The following AFF1 variants were observed in gnomAD, a reference collection of about 807,000 sequenced individuals.
The protein encoded by AFF1 is AF4/FMR2 family member 1.
A neutral mutation model predicts 121.7 loss-of-function variants in AFF1; 48 were observed. That is an observed-to-expected ratio of 0.39 (90% CI 0.31 to 0.50). AFF1 has a LOEUF of 0.50. Among genes scored for constraint, AFF1 ranks in the 20% least tolerant of loss-of-function variants. The pLI is 0.76. For synonymous variants in AFF1, 613 were observed against 563.0 expected, an observed-to-expected ratio of 1.09 and a Z score of -1.26; for missense variants, 1,523 against 1,511.7, an observed-to-expected ratio of 1.01 and a Z score of -0.12.
At chr4:87,072,180 G>T (rs1046036000) in intron 4 of AFF1, among the ~76,000 whole-genome samples, 1 of 152,036 alleles carries the variant, frequency 6.6e-6, no homozygotes, top group Non-Finnish European at 1.5e-5. Flanking sequence ...TGGCTAACAC[G>T]GTGAAGACCC....
rs557443784 is a variant in AFF1 at position 86,956,313 on chromosome 4, T to TA, written c.38+7743dup. ...GTTTAGAAGAGTTTAGATTCAGACTTACCTGAGAACTGAGGAAATATTTTT... is the reference window on the plus strand; with the variant it reads ...GTTTAGAAGAGTTTAGATTCAGACTTAACCTGAGAACTGAGGAAATATTTTT... On this transcript the variant is annotated intron_variant, in intron 2 of 20. Transcript: ENST00000395146. Among the ~76,000 whole-genome samples the TA allele has an allele frequency of 6.5e-3, 995 of 152,314 alleles. 4 individuals are homozygous for TA. The highest frequency in any genetic ancestry group is 0.011 in the Non-Finnish European group (736 of 68,004).
chr4:86,938,535 T>C (rs1160574397), intron 1 of AFF1, among the ~76,000 whole-genome samples: 1 of 151,994 alleles, frequency 6.6e-6, no homozygotes, highest in Non-Finnish European at 1.5e-5. Flanking sequence ...TTTCCTCAAA[T>C]AATAAATTCA....
intron 2 of AFF1, among the ~76,000 whole-genome samples, chr4:87,017,079 GTGTGTA>G (rs1197329385): frequency 1.4e-5 from 2 of 145,686 alleles, no homozygotes; most frequent in Admixed American, 1.4e-4. Context: ...ATATGTGTGT[GTGTGTA>G]TGTGTATATA....
At chr4:87,110,635 T>C (rs1403652421) in intron 11 of AFF1, among the ~76,000 whole-genome samples, 8 of 152,090 alleles carry the variant, frequency 5.3e-5, no homozygotes, top group Non-Finnish European at 7.4e-5. Flanking sequence ...TAATGCTCTT[T>C]TTAAAAAAAA....
chr4:87,008,432 CTG>C (rs1578048529), intron 2 of AFF1, among the ~76,000 whole-genome samples: 1 of 152,184 alleles, frequency 6.6e-6, no homozygotes, highest in East Asian at 1.9e-4. Context: ...AAGAGCTTCT[CTG>C]TATAAAGTAC....
In AFF1 at chr4:87,114,435, G is replaced by A. The variant is rs377254064; in HGVS notation, c.1602G>A (p.Ala534=). 8.3e-4 allele frequency: 1,341 copies of A among 1,611,308 alleles called. No individual in the cohort carries two copies. Among genetic ancestry groups the A allele is most frequent in the Non-Finnish European group, 1.1e-3 (1,294 of 1,179,622 alleles). ...NWLTKVSQPA[A]PPEGPRSTEP... is the part of the protein sequence containing the mutation. ...TGACCAAAGTCAGCCAGCCAGCTGC[G>A]CCACCAGAGGGCCCCAGGAGCACAG... Residue 534 remains alanine, a synonymous_variant, in exon 12 of 21, where the codon GCG becomes GCA. Transcript: ENST00000395146.
rs545682779 is a variant in AFF1 at position 86,959,952 on chromosome 4, C to T, written c.38+11381C>T. On this transcript the variant is annotated intron_variant, in intron 2 of 20. Coordinates refer to ENST00000395146, the MANE Select transcript of AFF1 (RefSeq NM_001166693.3). ...AGTTGGTTCTAACTGGGGGCCAGGG[C>T]CTCGTTTGCAAATGAAAGGACTGCT... Among the ~76,000 whole-genome samples the T allele has an allele frequency of 3.9e-5, 6 of 152,224 alleles. No homozygotes were observed. The South Asian group carries it at 1.2e-3, about 32-fold the overall frequency.
chr4:87,042,933 A>G (rs936543584), intron 2 of AFF1, among the ~76,000 whole-genome samples: 1 of 152,226 alleles, frequency 6.6e-6, no homozygotes, highest in Non-Finnish European at 1.5e-5. Context: ...AGGCTAATAC[A>G]AGGCTGAGTT....
At chr4:87,066,946 C>T (rs1465241532) in intron 4 of AFF1, among the ~76,000 whole-genome samples, 2 of 152,182 alleles carry the variant, frequency 1.3e-5, no homozygotes, top group East Asian at 1.9e-4. Context: ...GTCAAGTACA[C>T]GACGGCTTCT....
intron 2 of AFF1, among the ~76,000 whole-genome samples, chr4:86,948,941 G>A (rs1351807034): frequency 6.6e-6 from 1 of 152,132 alleles, no homozygotes; most frequent in African/African-American, 2.4e-5. Context: ...CCTGAAAGCT[G>A]TGAAGGAGGG....
intron 4 of AFF1, among the ~76,000 whole-genome samples, chr4:87,050,015 T>C (rs1315602006): frequency 6.6e-6 from 1 of 152,244 alleles, no homozygotes; most frequent in Non-Finnish European, 1.5e-5. Context: ...TTTAAAAATA[T>C]ACTTGAATTT....
At chr4:87,055,770 T>A (rs1034602695) in intron 4 of AFF1, among the ~76,000 whole-genome samples, 8 of 152,230 alleles carry the variant, frequency 5.3e-5, no homozygotes, top group African/African-American at 1.9e-4. Context: ...CCAACACTCA[T>A]GAGATATTTA....
At chr4:87,108,407 A>G in intron 11 of AFF1, 92 bp downstream of exon 11, 1 of 1,376,594 alleles carries the variant, frequency 7.3e-7, no homozygotes, top group South Asian at 1.3e-5. Flanking sequence ...ACTGACCATG[A>G]GACTGAGTCA....
intron 4 of AFF1, chr4:87,047,914 AC>A (rs1263052680): frequency 6.0e-6 from 2 of 332,634 alleles, no homozygotes; most frequent in Admixed American, 4.2e-5. Context: ...AGGATCCAAA[AC>A]CCAATCAAGA....
Position 87,127,060 on chromosome 4 carries a change from T to G in AFF1, c.2846T>G (p.Val949Gly). The change falls in exon 15 of 21, where the codon GTG (valine) becomes GGG (glycine). Residue 949 changes from valine (V) to glycine (G), a missense_variant. Physicochemically the swap from Val to Gly is moderately radical, Grantham distance 109. This residue lies in a region of AFF1 where 905 missense variants were observed against 842.5 expected (regional missense o/e 1.07). Transcript: ENST00000395146. ...SSGDTANPFP[V>G]PSLPNGNSKP... ...GGAGATACTGCAAATCCTTTTCCAG[T>G]GCCTTCTTTGCCAAATGGTAACTCT... 1 of 1,613,954 alleles carries G rather than the reference T, an allele frequency of 6.2e-7. No individual in the cohort carries two copies. Among genetic ancestry groups the G allele is most frequent in the Non-Finnish European group, 8.5e-7 (1 of 1,179,950 alleles).
intron 4 of AFF1, among the ~76,000 whole-genome samples, chr4:87,073,932 C>T (rs931630322): frequency 2.6e-5 from 4 of 152,102 alleles, no homozygotes; most frequent in East Asian, 1.9e-4. Context: ...CAGAACCATC[C>T]GTTAATACGA....
intron 4 of AFF1, among the ~76,000 whole-genome samples, chr4:87,072,914 C>A (rs116736391): frequency 6.6e-6 from 1 of 151,944 alleles, no homozygotes; most frequent in Admixed American, 6.6e-5. Context: ...AATATATTTT[C>A]GCTTTCACCA....
At chr4:87,107,203 T>C (rs1322100521) in intron 10 of AFF1, among the ~76,000 whole-genome samples, 1 of 152,248 alleles carries the variant, frequency 6.6e-6, no homozygotes, top group African/African-American at 2.4e-5. Flanking sequence ...TGTTTAATAA[T>C]TTTTATTCTA....
intron 2 of AFF1, among the ~76,000 whole-genome samples, chr4:86,988,106 ATG>A (rs1237683886): frequency 1.3e-5 from 2 of 152,134 alleles, no homozygotes; most frequent in South Asian, 2.1e-4. Flanking sequence ...CATTTATACA[ATG>A]TGTAATGATT....
Sources: allele counts gnomAD v4.1 joint callset (sites outside exome capture counted in the v4.1 genomes callset), GRCh38; gene constraint gnomAD v4.1.1; regional missense constraint gnomAD v4.1.1; transcripts MANE v1.5; gene names NCBI Gene and HGNC (gene_info 2026-07-23, HGNC 2026-07-21).